The following CDH13 variants were observed in gnomAD, a reference collection of about 807,000 sequenced individuals.
CDH13 encodes cadherin 13, also known as cadherin-13.
Under a neutral mutation model 63.8 loss-of-function variants are expected in CDH13, and 24 were observed. That is an observed-to-expected ratio of 0.38 (90% CI 0.27 to 0.53). The LOEUF (loss-of-function observed/expected upper bound fraction) is 0.53. CDH13 is among the 20% of genes least tolerant of loss of function. The pLI, the probability that CDH13 is intolerant of heterozygous loss-of-function variation, is 0.85. For missense variants in CDH13, 1,049 were observed against 903.1 expected, an observed-to-expected ratio of 1.16 and a Z score of -2.07; for synonymous variants, 503 against 355.3, an observed-to-expected ratio of 1.42 and a Z score of -4.67.
intron 8 of CDH13, among the ~76,000 whole-genome samples, chr16:83,625,962 G>A (rs902877625): frequency 1.3e-5 from 2 of 151,974 alleles, no homozygotes; most frequent in African/African-American, 2.4e-5. Context: ...GGAGTCCGAT[G>A]CAGCAAGCAA....
At chr16:83,305,419 T>C (rs1228815087) in intron 5 of CDH13, among the ~76,000 whole-genome samples, 4 of 152,234 alleles carry the variant, frequency 2.6e-5, no homozygotes, top group Admixed American at 2.0e-4. Flanking sequence ...GGAAGGACCA[T>C]TTTTAATCTA....
intron 7 of CDH13, among the ~76,000 whole-genome samples, chr16:83,540,692 C>G (rs969105419): frequency 2.0e-5 from 3 of 152,178 alleles, no homozygotes; most frequent in African/African-American, 7.2e-5. Flanking sequence ...TCATGATGGT[C>G]TCAAGTAGTA....
chr16:82,968,869 C>G (rs1347095417), intron 2 of CDH13, among the ~76,000 whole-genome samples: 1 of 152,172 alleles, frequency 6.6e-6, no homozygotes, highest in Non-Finnish European at 1.5e-5. Flanking sequence ...CCTGTAATCC[C>G]AGCAGTTTGG....
intron 2 of CDH13, among the ~76,000 whole-genome samples, chr16:82,952,665 C>A (rs1319117826): frequency 9.2e-5 from 14 of 152,184 alleles, no homozygotes; most frequent in Admixed American, 8.5e-4. Context: ...CTCATACAAA[C>A]CCTGTGAACT....
intron 5 of CDH13, among the ~76,000 whole-genome samples, chr16:83,271,543 G>A (rs2151846551): frequency 6.9e-6 from 1 of 145,452 alleles, no homozygotes; most frequent in African/African-American, 2.6e-5. Context: ...AAAAAACGCT[G>A]TACCTAGAAG....
At chr16:83,071,083 G>A (rs1358165503) in intron 3 of CDH13, among the ~76,000 whole-genome samples, 1 of 151,990 alleles carries the variant, frequency 6.6e-6, no homozygotes, top group East Asian at 1.9e-4. Context: ...GAGACACCAT[G>A]CCTCTTACTG....
chr16:83,743,752 T>TTTC (rs1225545401), intron 10 of CDH13, among the ~76,000 whole-genome samples: 6 of 124,366 alleles, frequency 4.8e-5, no homozygotes, highest in African/African-American at 1.9e-4. Flanking sequence ...TTTTTTCTTT[T>TTTC]TTTTTTTTTT....
intron 1 of CDH13, among the ~76,000 whole-genome samples, chr16:82,747,567 G>A (rs1337337398): frequency 2.0e-5 from 3 of 150,770 alleles, no homozygotes; most frequent in South Asian, 2.1e-4. Context: ...CCTCAGGTCC[G>A]AATCAGAAAC....
At chr16:83,524,489 G>A (rs1439452346) in intron 7 of CDH13, among the ~76,000 whole-genome samples, 1 of 101,894 alleles carries the variant, frequency 9.8e-6, no homozygotes, top group Non-Finnish European at 1.8e-5. Flanking sequence ...GTCTTACACT[G>A]TTGCCCAGGC....
intron 3 of CDH13, among the ~76,000 whole-genome samples, chr16:83,042,443 C>A (rs180766925): frequency 2.4e-4 from 36 of 152,270 alleles, no homozygotes; most frequent in African/African-American, 7.9e-4. Flanking sequence ...CTCCCATCAC[C>A]CCGAGACAGG....
At chr16:82,747,346 G>C (rs1161526440) in intron 1 of CDH13, among the ~76,000 whole-genome samples, 21 of 152,212 alleles carry the variant, frequency 1.4e-4, no homozygotes, top group Admixed American at 1.4e-3. Context: ...TAAAGTTAAA[G>C]TATGCACTTT....
At chr16:83,340,242 A>ATGTGTATATTT (rs1181724853) in intron 5 of CDH13, among the ~76,000 whole-genome samples, 2 of 152,160 alleles carry the variant, frequency 1.3e-5, no homozygotes, top group Non-Finnish European at 2.9e-5. Context: ...TGGGAAATGT[A>ATGTGTATATTT]TGTGTATATT....
intron 2 of CDH13, among the ~76,000 whole-genome samples, chr16:82,870,356 C>T (rs2040300691): frequency 6.6e-6 from 1 of 152,098 alleles, no homozygotes; most frequent in Admixed American, 6.5e-5. Context: ...AACCCTCATA[C>T]ACTGTTGGTG....
chr16:82,636,956 C>G (rs557125757), intron 1 of CDH13, among the ~76,000 whole-genome samples: 1 of 152,190 alleles, frequency 6.6e-6, no homozygotes, highest in African/African-American at 2.4e-5. Context: ...CCCCCTCACT[C>G]GTGGTATGAC....
intron 5 of CDH13, among the ~76,000 whole-genome samples, chr16:83,240,908 A>C (rs1487459563): frequency 6.6e-6 from 1 of 151,958 alleles, no homozygotes; most frequent in African/African-American, 2.4e-5. Context: ...AAGTCCACTC[A>C]CATTGTTGTG....
chr16:82,856,262 C>A (rs286683), intron 1 of CDH13, among the ~76,000 whole-genome samples: 2 of 151,026 alleles, frequency 1.3e-5, no homozygotes, highest in Admixed American at 6.6e-5. Flanking sequence ...TGTAGTCCCA[C>A]TTACTCGGGA....
chr16:83,253,639 G>A (rs1371482463), intron 5 of CDH13, among the ~76,000 whole-genome samples: 1 of 152,162 alleles, frequency 6.6e-6, no homozygotes, highest in Admixed American at 6.5e-5. Flanking sequence ...ATTTTGCTAG[G>A]GGTTGACAGA....
At chr16:82,807,716 A>G (rs77361189) in intron 1 of CDH13, among the ~76,000 whole-genome samples, 1,730 of 152,276 alleles carry the variant, frequency 0.011, 15 homozygotes, top group Non-Finnish European at 0.018. Context: ...CTTACAGAGG[A>G]TGAAAGAAGC....
At chr16:82,795,648 A>G (rs1011044373) in intron 1 of CDH13, among the ~76,000 whole-genome samples, 1 of 152,198 alleles carries the variant, frequency 6.6e-6, no homozygotes. Context: ...GTTGTTAAGT[A>G]GGGGGACAGA....
Sources: allele counts gnomAD v4.1 joint callset (sites outside exome capture counted in the v4.1 genomes callset), GRCh38; gene constraint gnomAD v4.1.1; transcripts MANE v1.5; gene names NCBI Gene and HGNC (gene_info 2026-07-23, HGNC 2026-07-21).